The following UPP2 variants were observed in gnomAD, a reference collection of about 807,000 sequenced individuals.
UPP2 encodes UPase 2.
Under a neutral mutation model 26.7 loss-of-function variants are expected in UPP2, and 23 were observed. That is an observed-to-expected ratio of 0.86 (90% confidence interval 0.62 to 1.22). The LOEUF is 1.22. UPP2 is among the 50% of genes most tolerant of loss of function. The pLI is 0.00. For missense variants in UPP2, 387 were observed against 396.7 expected (o/e 0.98, Z 0.21); for synonymous variants, 127 against 141.3 (o/e 0.90, Z 0.72).
At chr2:158,040,054 A>C (rs1684063203) in intron 3 of UPP2, among the ~76,000 whole-genome samples, 1 of 152,216 alleles carries the variant, frequency 6.6e-6, no homozygotes, top group Non-Finnish European at 1.5e-5. Context: ...AGTGAAAAGG[A>C]AGTTAAAAAT....
intron 3 of UPP2, among the ~76,000 whole-genome samples, chr2:158,029,886 A>T (rs1683898432): frequency 6.6e-6 from 1 of 151,960 alleles, no homozygotes; most frequent in Non-Finnish European, 1.5e-5. Context: ...TATAGAGAAC[A>T]TCTTACAAAA....
At chr2:158,069,833 G>A (rs569139068) in intron 3 of UPP2, among the ~76,000 whole-genome samples, 27 of 152,296 alleles carry the variant, frequency 1.8e-4, no homozygotes, top group African/African-American at 6.5e-4. Context: ...AGTTCTGGAG[G>A]CTGGAAGTTT....
At chr2:158,057,621 A>G (rs933891981) in intron 3 of UPP2, among the ~76,000 whole-genome samples, 5 of 152,200 alleles carry the variant, frequency 3.3e-5, no homozygotes, top group Non-Finnish European at 2.9e-5. Context: ...ATTTGTTTCA[A>G]TTAATGATCC....
intron 3 of UPP2, among the ~76,000 whole-genome samples, chr2:158,024,431 A>G (rs1467031091): frequency 1.3e-5 from 2 of 152,192 alleles, no homozygotes; most frequent in Non-Finnish European, 2.9e-5. Context: ...ATTTAATTTA[A>G]TTAGCAGTAG....
At chr2:158,020,125 T>C (rs1211310232) in intron 3 of UPP2, among the ~76,000 whole-genome samples, 1 of 152,236 alleles carries the variant, frequency 6.6e-6, no homozygotes, top group Admixed American at 6.5e-5. Flanking sequence ...GTTTGGTTTT[T>C]GTTTTTTTTA....
At position 158,115,121 on chromosome 2, in the gene UPP2, C is replaced by A; in HGVS notation, c.201C>A (p.Ser67Arg). The change falls in exon 3 of 7, where the codon AGC becomes AGA. Residue 67 changes from serine to arginine, a missense_variant. Coordinates refer to ENST00000005756, the MANE Select transcript of UPP2 (RefSeq NM_173355.4). The part of the protein sequence containing the change: ...GDVKFVCVGG[S>R]PNRMKAFALF... ...AACAGTTTGTCTGTGTCGGTGGGAG[C>A]CCCAACAGAATGAAAGCATTTGCAC... 1.2e-6 allele frequency: 2 copies of A among 1,608,402 alleles called. No homozygotes were observed. The highest frequency in any genetic ancestry group is 1.7e-6 in the Non-Finnish European group (2 of 1,178,000).
At chr2:158,045,755 T>C (rs1430827172) in intron 3 of UPP2, among the ~76,000 whole-genome samples, 1 of 152,104 alleles carries the variant, frequency 6.6e-6, no homozygotes, top group Non-Finnish European at 1.5e-5. Flanking sequence ...GGCACAACCC[T>C]TTAGGAAGGG....
At chr2:158,005,391 T>C (rs934995205) in intron 2 of UPP2, among the ~76,000 whole-genome samples, 35 of 152,270 alleles carry the variant, frequency 2.3e-4, no homozygotes, top group African/African-American at 7.9e-4. Flanking sequence ...TGACTTCATT[T>C]ATATTGTAAA....
In UPP2 at chr2:158,036,741, C is replaced by T. The variant is rs76870439; in HGVS notation, c.147+20855C>T. On this transcript the variant is annotated intron_variant, in intron 3 of 9. Coordinates refer to the UPP2 transcript ENST00000605860. ...AGACCAGTTACTTTTAAGTTCTCAA[C>T]ATGTCAGTTATCTGTCCCTGTGGGC... is the stretch of plus-strand genomic sequence containing the variant. 5.1e-3 allele frequency among the ~76,000 whole-genome samples: 784 copies of T among 152,280 alleles called. 8 individuals are homozygous for T. Among genetic ancestry groups the T allele is most frequent in the African/African-American group, 0.018 (747 of 41,546 alleles).
At chr2:158,060,681 AC>A (rs2105178616) in intron 3 of UPP2, among the ~76,000 whole-genome samples, 1 of 152,158 alleles carries the variant, frequency 6.6e-6, no homozygotes, top group South Asian at 2.1e-4. Context: ...TGGAGATGAA[AC>A]CTTTGGGAGG....
intron 3 of UPP2, among the ~76,000 whole-genome samples, chr2:158,072,483 A>C (rs571359923): frequency 3.3e-4 from 51 of 152,246 alleles, no homozygotes; most frequent in Non-Finnish European, 6.3e-4. Flanking sequence ...TTGAGTGAAC[A>C]CAGGCAGTAG....
chr2:158,090,907 A>G (rs1682901524), intron 3 of UPP2, among the ~76,000 whole-genome samples: 1 of 152,142 alleles, frequency 6.6e-6, no homozygotes, highest in South Asian at 2.1e-4. Context: ...TTTGTAGGTG[A>G]CCGTTGAACC....
intron 2 of UPP2, among the ~76,000 whole-genome samples, chr2:158,009,704 G>C (rs1332343171): frequency 2.6e-5 from 4 of 152,204 alleles, no homozygotes; most frequent in African/African-American, 9.7e-5. Context: ...GCCCTAGAAG[G>C]AACAGGAATG....
intron 3 of UPP2, among the ~76,000 whole-genome samples, chr2:158,026,825 G>T (rs1345160198): frequency 6.6e-6 from 1 of 152,212 alleles, no homozygotes; most frequent in African/African-American, 2.4e-5. Flanking sequence ...CACATGGCCG[G>T]AGAGACCTCA....
intron 2 of UPP2, among the ~76,000 whole-genome samples, chr2:158,011,016 C>G (rs745424313): frequency 6.6e-6 from 1 of 152,070 alleles, no homozygotes; most frequent in Non-Finnish European, 1.5e-5. Context: ...CCACCCACCT[C>G]GACCTCCCAA....
chr2:158,106,493 G>A (rs543296070), intron 2 of UPP2, among the ~76,000 whole-genome samples: 1 of 152,126 alleles, frequency 6.6e-6, no homozygotes, highest in African/African-American at 2.4e-5. Context: ...AATACTGCTG[G>A]GTGTTGAGAA....
At chr2:158,074,086 G>GA (rs1682587572) in intron 3 of UPP2, among the ~76,000 whole-genome samples, 1 of 152,136 alleles carries the variant, frequency 6.6e-6, no homozygotes, top group Non-Finnish European at 1.5e-5. Flanking sequence ...GCTGAGGAGG[G>GA]AAAATCACTT....
chr2:158,128,487 T>C (rs956566518), intron 6 of UPP2, among the ~76,000 whole-genome samples: 3 of 152,226 alleles, frequency 2.0e-5, no homozygotes, highest in African/African-American at 7.2e-5. Context: ...GAAAAATCTT[T>C]AGGCCAGGGT....
At chr2:158,085,680 A>T (rs1324819455) in intron 3 of UPP2, among the ~76,000 whole-genome samples, 1 of 152,144 alleles carries the variant, frequency 6.6e-6, no homozygotes, top group Non-Finnish European at 1.5e-5. Context: ...TATCCCTTGT[A>T]TGCTGATTTT....
Sources: allele counts gnomAD v4.1 joint callset (sites outside exome capture counted in the v4.1 genomes callset), GRCh38; gene constraint gnomAD v4.1.1; transcripts MANE v1.5; gene names NCBI Gene and HGNC (gene_info 2026-07-23, HGNC 2026-07-21).